KHDRBS2: variants seen among roughly 807,000 people sequenced by gnomAD.
KHDRBS2 encodes the protein KH RNA binding domain containing, signal transduction associated 2, also known as KH domain-containing, RNA-binding, signal transduction-associated protein 2.
KHDRBS2 carries 26 observed loss-of-function variants against 44.3 expected under a neutral mutation model. That is an observed-to-expected ratio of 0.59 (90% CI 0.43 to 0.81). The LOEUF (loss-of-function observed/expected upper bound fraction) is 0.81. KHDRBS2 is among the 40% of genes least tolerant of loss of function. KHDRBS2 has a pLI of 0.00. For synonymous variants in KHDRBS2, 194 were observed against 151.1 expected (o/e 1.28, Z -2.08); for missense variants, 476 against 433.1 (o/e 1.10, Z -0.88).
intron 7 of KHDRBS2, among the ~76,000 whole-genome samples, chr6:61,707,288 C>G (rs929141478): frequency 2.0e-5 from 3 of 151,732 alleles, no homozygotes; most frequent in African/African-American, 7.3e-5. Flanking sequence ...TCCATGTCCA[C>G]CCCTAAGTGC....
chr6:62,162,319 G>A (rs1238781177), intron 2 of KHDRBS2, among the ~76,000 whole-genome samples: 2 of 151,978 alleles, frequency 1.3e-5, no homozygotes, highest in Non-Finnish European at 2.9e-5. Context: ...ATGTGTCAAT[G>A]TATTACTTTT....
intron 6 of KHDRBS2, among the ~76,000 whole-genome samples, chr6:61,736,412 T>C (rs1226545321): frequency 6.6e-6 from 1 of 152,010 alleles, no homozygotes; most frequent in East Asian, 1.9e-4. Flanking sequence ...CACTCTATCT[T>C]GAGGATCTGC....
intron 7 of KHDRBS2, among the ~76,000 whole-genome samples, chr6:61,719,080 C>T (rs1437064027): frequency 6.6e-6 from 1 of 152,168 alleles, no homozygotes; most frequent in African/African-American, 2.4e-5. Flanking sequence ...AGAAGGGAGG[C>T]TTCTTTTCCT....
At chr6:61,761,977 T>A (rs565724347) in intron 6 of KHDRBS2, among the ~76,000 whole-genome samples, 67 of 152,298 alleles carry the variant, frequency 4.4e-4, no homozygotes, top group Admixed American at 1.5e-3. Flanking sequence ...ATTATGTATT[T>A]CCCTTGGTCT....
intron 2 of KHDRBS2, among the ~76,000 whole-genome samples, chr6:62,170,482 A>G (rs185808120): frequency 3.6e-4 from 55 of 152,254 alleles, no homozygotes; most frequent in South Asian, 2.9e-3. Flanking sequence ...CAACTGTGCC[A>G]AAAAACAGAA....
At chr6:61,703,408 A>T (rs1561993186) in intron 7 of KHDRBS2, among the ~76,000 whole-genome samples, 1 of 152,018 alleles carries the variant, frequency 6.6e-6, no homozygotes, top group East Asian at 1.9e-4. Context: ...TGAAATAACA[A>T]TATGAAAATT....
At chr6:62,002,263 G>A (rs1212868299) in intron 3 of KHDRBS2, among the ~76,000 whole-genome samples, 1 of 151,856 alleles carries the variant, frequency 6.6e-6, no homozygotes, top group Non-Finnish European at 1.5e-5. Flanking sequence ...AATAAATCAT[G>A]AATGAAGTAA....
chr6:61,693,712 G>T, intron 8 of KHDRBS2, among the ~76,000 whole-genome samples: 1 of 151,934 alleles, frequency 6.6e-6, no homozygotes, highest in East Asian at 1.9e-4. Flanking sequence ...TGGTAATTTG[G>T]CCCAGAATGA....
the KHDRBS2 span, among the ~76,000 whole-genome samples, chr6:61,571,551 G>A: frequency 3.8e-3 from 580 of 151,932 alleles, 2 homozygotes; most frequent in African/African-American, 0.013. Context: ...CTATACCCTA[G>A]AAAAAAATGG....
chr6:61,627,347 T>G, the KHDRBS2 span, among the ~76,000 whole-genome samples: 1 of 150,496 alleles, frequency 6.6e-6, no homozygotes. Flanking sequence ...ATTTCCCACG[T>G]GATAGGAGTG....
chr6:61,823,898 T>C (rs1041032881), intron 6 of KHDRBS2, among the ~76,000 whole-genome samples: 2 of 152,126 alleles, frequency 1.3e-5, no homozygotes, highest in Non-Finnish European at 2.9e-5. Context: ...ATGTCTGAAA[T>C]AACATGCTCC....
chr6:62,167,624 G>A (rs1409921724), intron 2 of KHDRBS2, among the ~76,000 whole-genome samples: 3 of 152,054 alleles, frequency 2.0e-5, no homozygotes, highest in Non-Finnish European at 2.9e-5. Flanking sequence ...CAAATGAGGA[G>A]TTGGGAAACT....
intron 1 of KHDRBS2, among the ~76,000 whole-genome samples, chr6:62,238,687 T>TATACAC (rs1480937481): frequency 8.7e-4 from 123 of 142,010 alleles, no homozygotes; most frequent in African/African-American, 3.3e-3. Context: ...AAGTTTTATA[T>TATACAC]ACACACACAC....
chr6:61,889,363 C>T (rs1359586456), intron 6 of KHDRBS2, among the ~76,000 whole-genome samples: 1 of 152,172 alleles, frequency 6.6e-6, no homozygotes, highest in Admixed American at 6.5e-5. Context: ...CACCCAGTGA[C>T]ACTCAGGAAT....
chr6:61,609,203 C>CA, the KHDRBS2 span, among the ~76,000 whole-genome samples: 2 of 152,068 alleles, frequency 1.3e-5, no homozygotes, highest in East Asian at 1.9e-4. Context: ...ACCAAAAATA[C>CA]AAAAAATAAG....
At chr6:62,266,557 T>A (rs1839235635) in intron 1 of KHDRBS2, among the ~76,000 whole-genome samples, 1 of 152,034 alleles carries the variant, frequency 6.6e-6, no homozygotes, top group African/African-American at 2.4e-5. Context: ...GCTCCTTTTT[T>A]TGCAGGTCTA....
At chr6:61,577,137 T>TTG in the KHDRBS2 span, among the ~76,000 whole-genome samples, 2,061 of 150,864 alleles carry the variant, frequency 0.014, 40 homozygotes, top group African/African-American at 0.044. Context: ...GTTTTTGTTT[T>TTG]TTTTGTTTTT....
chr6:62,035,230 C>A (rs9345964), intron 3 of KHDRBS2, among the ~76,000 whole-genome samples: 93,828 of 151,726 alleles, frequency 0.62, 29,197 homozygotes, highest in African/African-American at 0.63. Context: ...CCAAGAATTC[C>A]AAGCAACCTA....
rs199950330 is a variant in KHDRBS2 at position 61,740,544 on chromosome 6, T to A, written c.811-7780A>T. 3.3e-5 allele frequency among the ~76,000 whole-genome samples: 5 copies of A among 152,036 alleles called. No homozygotes were observed. In the East Asian group the frequency reaches 9.7e-4, roughly 29 times the overall value. ...TAAAAATTACCAGGGCTTTGTAGAG[T>A]AGGCTCCATTTTCCCACTATTTTCT... On this transcript the variant is annotated intron_variant, in intron 6 of 8. Transcript: ENST00000281156.
Sources: gnomAD v4.1 joint callset for allele counts (sites outside exome capture counted in the v4.1 genomes callset) on GRCh38, gnomAD v4.1.1 for gene constraint, MANE v1.5 for transcripts, NCBI Gene and HGNC (gene_info 2026-07-23, HGNC 2026-07-21) for gene names.